PADI6: variants seen among roughly 807,000 people sequenced by gnomAD.
PADI6 encodes inactive protein-arginine deiminase type-6.
In PADI6, 66 loss-of-function variants were observed where a neutral mutation model predicts 78.2. That is an observed-to-expected ratio of 0.84 (90% confidence interval 0.69 to 1.04). PADI6 has a LOEUF of 1.04. Among genes scored for constraint, PADI6 ranks in the 50% least tolerant of loss-of-function variants. The pLI is 0.00. For synonymous variants in PADI6, 397 were observed against 346.9 expected (o/e 1.14, Z -1.60); for missense variants, 854 against 866.1 (o/e 0.99, Z 0.18).
chr1:17,372,323 TTG>T lies in PADI6; in HGVS notation c.84_85del (p.Leu29GlyfsTer38). ...LSLDSPVHAV[C>X]VLGTEICLDL... ...CCCTGGACAGCCCTGTCCATGCCGT[TTG>T]TGTGTTGGGCACAGAAATCTGCTTG... is the stretch of plus-strand genomic sequence containing the variant. On this transcript the variant is annotated frameshift_variant, in exon 1 of 16. Transcript: ENST00000619609. LOFTEE classifies it high-confidence loss of function. 1 of 1,613,842 alleles carries T rather than the reference TTG, an allele frequency of 6.2e-7. No individual in the cohort carries two copies. Among genetic ancestry groups the T allele is most frequent in the South Asian group, 1.1e-5 (1 of 91,076 alleles).
rs759485433 is a variant in PADI6, at chr1:17,395,560, C to T, written c.1515C>T (p.Ala505=). ...CCCAGGGCTTCCTGCTGCTCCTGGC[C>T]AGCCCCAGTGCCTGCTATAAACTGT... ...EGKKGFLLLL[A]SPSACYKLFR... is the part of the protein sequence containing the mutation. Residue 505 remains alanine (A), a synonymous_variant, in exon 13 of 16, where the codon GCC becomes GCT. Transcript: ENST00000619609. The T allele has an allele frequency of 4.6e-5, 72 of 1,559,406 alleles. No individual in the cohort carries two copies. The highest frequency in any genetic ancestry group is 5.4e-5 in the Non-Finnish European group (62 of 1,151,232).
At chr1:17,380,127 T>A in intron 4 of PADI6, 140 bp downstream of exon 4, 1 of 734,590 alleles carries the variant, frequency 1.4e-6, no homozygotes, top group Non-Finnish European at 2.3e-6. Context: ...AGGGGAGGGG[T>A]AAACCAAACT....
chr1:17,392,038 C>G lies in PADI6; in HGVS notation c.963-76C>G, dbSNP rs1010393974. 2.4e-4 allele frequency: 295 copies of G among 1,252,190 alleles called. 2 individuals carry two copies. In the South Asian group the frequency reaches 3.7e-3, roughly 16 times the overall value. The allele number at this position is 1,252,190 out of a possible 1,614,324, so 77.6% of individuals were successfully genotyped here. A position where few individuals can be genotyped will look rare whatever the true frequency, so the allele number is the denominator to read the frequency against. Reference sequence around the variant, plus strand: ...CTGGTGAGAAGGATGTGTTCTTCCTCTCTTGGCACAAGGAGGTCATAACCA... The same window carrying G: ...CTGGTGAGAAGGATGTGTTCTTCCTGTCTTGGCACAAGGAGGTCATAACCA... On this transcript the variant is annotated intron_variant, in intron 8 of 15. Transcript: ENST00000619609.
chr1:17,390,729 TA>T (rs1292105725), intron 8 of PADI6, among the ~76,000 whole-genome samples: 6 of 151,866 alleles, frequency 4.0e-5, no homozygotes, highest in Admixed American at 6.6e-5. Context: ...GATGAGAAGG[TA>T]AAATCTCAGA....
At chr1:17,390,824 TCTCA>T (rs1285411514) in intron 8 of PADI6, among the ~76,000 whole-genome samples, 1 of 152,182 alleles carries the variant, frequency 6.6e-6, no homozygotes, top group African/African-American at 2.4e-5. Flanking sequence ...AAGACGGGTT[TCTCA>T]CTCACAGGAG....
At chr1:17,390,940 G>A (rs1029809979) in intron 8 of PADI6, among the ~76,000 whole-genome samples, 3 of 152,264 alleles carry the variant, frequency 2.0e-5, no homozygotes, top group Non-Finnish European at 1.5e-5. Context: ...AGACTGAGCC[G>A]ACACACCCTT....
chr1:17,374,105 G>C (rs895128560), intron 2 of PADI6, among the ~76,000 whole-genome samples: 8 of 152,060 alleles, frequency 5.3e-5, no homozygotes, highest in Admixed American at 3.3e-4. Flanking sequence ...TCAGGGCTAG[G>C]ATCCTGGCCG....
chr1:17,388,420 ACCAGCACGCCTATAC>A lies in PADI6; in HGVS notation c.721_735del (p.Gln241_Thr245del). 6.2e-7 allele frequency: 1 copy of A among 1,613,612 alleles called. No homozygotes were observed. Among genetic ancestry groups the A allele is most frequent in the Middle Eastern group, 1.7e-4 (1 of 6,058 alleles). On this transcript the variant is annotated inframe_deletion, in exon 7 of 16. Coordinates refer to ENST00000619609, the MANE Select transcript of PADI6 (RefSeq NM_207421.4). ...ACCTTTGAGTTGGTGCTGGGGCCCG[ACCAGCACGCCTATAC>A]CTTGGCCCTCCTCGGGAACCACTTG...
intron 6 of PADI6, among the ~76,000 whole-genome samples, chr1:17,385,178 G>A (rs1487697135): frequency 7.1e-6 from 1 of 141,414 alleles, no homozygotes; most frequent in African/African-American, 2.6e-5. Context: ...TCTGTGGACA[G>A]GAATGAGACG....
intron 14 of PADI6, among the ~76,000 whole-genome samples, chr1:17,397,488 T>C (rs752721446): frequency 3.3e-5 from 5 of 152,148 alleles, no homozygotes; most frequent in Non-Finnish European, 7.3e-5. Context: ...CGCCATGGCA[T>C]GTCGGGACCG....
intron 8 of PADI6, among the ~76,000 whole-genome samples, chr1:17,390,374 C>T (rs543843442): frequency 2.1e-4 from 32 of 149,570 alleles, no homozygotes; most frequent in African/African-American, 5.4e-4. Context: ...CTGAGGCGGG[C>T]GGATCACCTG....
chr1:17,399,463 C>T (rs1207614733), intron 15 of PADI6, among the ~76,000 whole-genome samples: 3 of 152,014 alleles, frequency 2.0e-5, no homozygotes, highest in Non-Finnish European at 4.4e-5. Flanking sequence ...GGTGTGGTAG[C>T]ACATGCCTGT....
Position 17,392,188 on chromosome 1 carries a change from T to G in PADI6, c.1037T>G (p.Val346Gly). Residue 346 changes from valine (V) to glycine (G), a missense_variant, in exon 9 of 16, where the codon GTC becomes GGC. By Grantham distance (109) the Val-to-Gly change is moderately radical. Transcript: ENST00000619609. ...AAGAGCAACAGCCAGGTGGCATCTG[T>G]CTATGAGGACCCCAACCGCCTGGGC... ...SEKSNSQVAS[V>G]YEDPNRLGRW... is the part of the protein sequence containing the mutation. 1 of 1,559,960 alleles carries G rather than the reference T, an allele frequency of 6.4e-7. No homozygotes were observed. Among genetic ancestry groups the G allele is most frequent in the East Asian group, 2.4e-5 (1 of 41,600 alleles).
intron 3 of PADI6, among the ~76,000 whole-genome samples, chr1:17,375,756 G>T (rs1275599627): frequency 6.6e-6 from 1 of 152,192 alleles, no homozygotes; most frequent in African/African-American, 2.4e-5. Flanking sequence ...CAGAACTTCC[G>T]TGTCGCTGCC....
intron 2 of PADI6, among the ~76,000 whole-genome samples, chr1:17,373,527 C>T (rs1355426794): frequency 6.6e-6 from 1 of 151,216 alleles, no homozygotes; most frequent in Non-Finnish European, 1.5e-5. Context: ...GTCTCACGCT[C>T]ATTGCCCAGA....
chr1:17,394,645 G>C (rs1197412634), intron 11 of PADI6, among the ~76,000 whole-genome samples, 191 bp downstream of exon 11: 3 of 152,054 alleles, frequency 2.0e-5, no homozygotes, highest in Non-Finnish European at 4.4e-5. Context: ...TGATTCCAGG[G>C]TTTAAACTGA....
chr1:17,388,740 G>A (rs2075152275), intron 7 of PADI6, 37 bp from the exon 8 acceptor site: 1 of 1,588,922 alleles, frequency 6.3e-7, no homozygotes, highest in Non-Finnish European at 8.6e-7. Context: ...GAGTAAATGT[G>A]GAAGCAGGTT....
intron 14 of PADI6, 65 bp from the exon 15 acceptor site, chr1:17,398,621 T>G: frequency 1.9e-6 from 2 of 1,029,830 alleles, no homozygotes; most frequent in Non-Finnish European, 2.8e-6. Context: ...AGGAAACTGG[T>G]TTTAATTCCT....
At chr1:17,398,648 T>TGGGGGGGGG in intron 14 of PADI6, 38 bp from the exon 15 acceptor site, 2 of 193,328 alleles carry the variant, frequency 1.0e-5, no homozygotes, top group Non-Finnish European at 9.0e-6. Flanking sequence ...CTCTCCTTGC[T>TGGGGGGGGG]CCCCCGCCCC....
Sources: allele counts gnomAD v4.1 joint callset (sites outside exome capture counted in the v4.1 genomes callset), GRCh38; gene constraint gnomAD v4.1.1; transcripts MANE v1.5; gene names NCBI Gene and HGNC (gene_info 2026-07-23, HGNC 2026-07-21).